Variants in PPARGC1A observed in about 807,000 individuals in gnomAD.
The protein encoded by PPARGC1A is PPARG coactivator 1 alpha, also known as peroxisome proliferator-activated receptor gamma coactivator 1-alpha.
A neutral mutation model predicts 88.7 loss-of-function variants in PPARGC1A; 25 were observed. That is an observed-to-expected ratio of 0.28 (90% confidence interval 0.21 to 0.39). The LOEUF (loss-of-function observed/expected upper bound fraction) is 0.39, where lower values mean the gene tolerates loss of function less well. Ranked by LOEUF, PPARGC1A falls within the 10% of genes least tolerant of loss-of-function variation. The probability of loss-of-function intolerance (pLI) is 1.00; values close to 1 mark genes in which losing one functional copy is unlikely to be tolerated. For synonymous variants in PPARGC1A, 363 were observed against 355.6 expected (o/e 1.02, Z -0.24); for missense variants, 880 against 968.7 (o/e 0.91, Z 1.22).
the PPARGC1A span, among the ~76,000 whole-genome samples, chr4:24,425,077 G>A: frequency 2.0e-5 from 3 of 152,022 alleles, no homozygotes; most frequent in African/African-American, 4.8e-5. Flanking sequence ...AACCTTCTTG[G>A]GATTATGTAT....
the PPARGC1A span, among the ~76,000 whole-genome samples, chr4:23,910,289 TTATA>T: frequency 1.4e-5 from 1 of 71,166 alleles, no homozygotes; most frequent in East Asian, 2.3e-4. Flanking sequence ...CTATATATTA[TTATA>T]TATATTAACC....
chr4:24,080,608 A>G, the PPARGC1A span, among the ~76,000 whole-genome samples: 6 of 152,138 alleles, frequency 3.9e-5, no homozygotes, highest in Non-Finnish European at 8.8e-5. Context: ...AAATACTTTC[A>G]CAACAAGAAT....
the PPARGC1A span, among the ~76,000 whole-genome samples, chr4:24,138,865 T>C: frequency 6.6e-6 from 1 of 152,290 alleles, no homozygotes; most frequent in East Asian, 1.9e-4. Context: ...AGAGACTGTC[T>C]ATTAAACTAG....
the PPARGC1A span, among the ~76,000 whole-genome samples, chr4:24,423,964 G>C: frequency 6.6e-6 from 1 of 152,166 alleles, no homozygotes; most frequent in Admixed American, 6.5e-5. Flanking sequence ...TTCTAGATCT[G>C]AGTCTCACTT....
chr4:24,454,736 T>C, the PPARGC1A span, among the ~76,000 whole-genome samples: 117 of 128,812 alleles, frequency 9.1e-4, no homozygotes, highest in African/African-American at 3.8e-3. Context: ...AGACCTTGTC[T>C]CAAAAAAAAA....
the PPARGC1A span, among the ~76,000 whole-genome samples, chr4:24,188,228 T>C: frequency 1.3e-5 from 2 of 152,030 alleles, no homozygotes; most frequent in Non-Finnish European, 1.5e-5. Flanking sequence ...GGCAGGCAAG[T>C]GCCATATAGT....
the PPARGC1A span, among the ~76,000 whole-genome samples, chr4:24,401,845 G>C: frequency 6.6e-6 from 1 of 152,178 alleles, no homozygotes; most frequent in Non-Finnish European, 1.5e-5. Flanking sequence ...CTGGAACATA[G>C]TAAATATCAG....
chr4:23,990,195 A>C, the PPARGC1A span, among the ~76,000 whole-genome samples: 2 of 148,456 alleles, frequency 1.3e-5, no homozygotes, highest in African/African-American at 4.9e-5. Flanking sequence ...GGTTAAAAAG[A>C]GGTCACATCA....
At chr4:24,087,216 C>T in the PPARGC1A span, among the ~76,000 whole-genome samples, 1,047 of 152,284 alleles carry the variant, frequency 6.9e-3, 12 homozygotes, top group African/African-American at 0.024. Flanking sequence ...GAACTTGGGC[C>T]AATCTCTTAT....
chr4:24,103,300 G>C, the PPARGC1A span, among the ~76,000 whole-genome samples: 1 of 152,016 alleles, frequency 6.6e-6, no homozygotes, highest in Non-Finnish European at 1.5e-5. Context: ...CTCAACAAAA[G>C]ACTCAAGGTG....
chr4:24,272,784 C>G, the PPARGC1A span, among the ~76,000 whole-genome samples: 3 of 152,178 alleles, frequency 2.0e-5, no homozygotes, highest in African/African-American at 7.2e-5. Context: ...CTGAAACCAC[C>G]ATGAACCACA....
the PPARGC1A span, among the ~76,000 whole-genome samples, chr4:24,379,813 C>CT: frequency 1.3e-4 from 17 of 130,500 alleles, no homozygotes; most frequent in Admixed American, 3.1e-4. Flanking sequence ...GAGTTTTGCT[C>CT]TTTTTGCCCA....
At chr4:24,307,741 C>T in the PPARGC1A span, among the ~76,000 whole-genome samples, 3 of 152,190 alleles carry the variant, frequency 2.0e-5, no homozygotes, top group Non-Finnish European at 4.4e-5. Context: ...GTGTTTGAGA[C>T]GTTAATTAAC....
chr4:23,827,288 A>C (rs1724129823), intron 5 of PPARGC1A, among the ~76,000 whole-genome samples: 1 of 152,198 alleles, frequency 6.6e-6, no homozygotes, highest in Non-Finnish European at 1.5e-5. Context: ...TGAAGAGGGA[A>C]GAAAATTCAG....
chr4:24,400,272 G>A, the PPARGC1A span, among the ~76,000 whole-genome samples: 1 of 152,190 alleles, frequency 6.6e-6, no homozygotes, highest in Non-Finnish European at 1.5e-5. Flanking sequence ...GGGGAAGGCA[G>A]ACCCACCCTT....
chr4:23,929,215 C>T, the PPARGC1A span, among the ~76,000 whole-genome samples: 3 of 152,172 alleles, frequency 2.0e-5, no homozygotes, highest in South Asian at 2.1e-4. Flanking sequence ...GTTAGGTCAA[C>T]CCAGGGAGGT....
intron 2 of PPARGC1A, among the ~76,000 whole-genome samples, chr4:23,869,311 A>G (rs1712754469): frequency 6.6e-6 from 1 of 152,170 alleles, no homozygotes; most frequent in Non-Finnish European, 1.5e-5. Flanking sequence ...AGCATGAGAG[A>G]AAGTAGCAGG....
At chr4:24,350,773 T>C in the PPARGC1A span, among the ~76,000 whole-genome samples, 1 of 152,010 alleles carries the variant, frequency 6.6e-6, no homozygotes, top group Non-Finnish European at 1.5e-5. Context: ...GGTAAAATTA[T>C]AAAAGCCTAA....
At chr4:23,903,936 C>A, upstream of PPARGC1A, 5 of 717,764 alleles carry the variant, frequency 7.0e-6, no homozygotes, top group Non-Finnish European at 8.5e-6. Context: ...AAAACAAAAC[C>A]CACCTACCAA....
Sources: gnomAD v4.1 joint callset for allele counts (sites outside exome capture counted in the v4.1 genomes callset) on GRCh38, gnomAD v4.1.1 for gene constraint, MANE v1.5 for transcripts, NCBI Gene and HGNC (gene_info 2026-07-23, HGNC 2026-07-21) for gene names.